TTC28: variants seen among roughly 807,000 people sequenced by gnomAD.
TTC28 encodes tetratricopeptide repeat protein 28.
In TTC28, 61 loss-of-function variants were observed where a neutral mutation model predicts 198.0. The observed-to-expected ratio is 0.31, with a 90% CI of 0.25 to 0.38. TTC28 has a LOEUF of 0.38. TTC28 is among the 10% of genes least tolerant of loss of function. The pLI, the probability that TTC28 is intolerant of heterozygous loss-of-function variation, is 1.00. For synonymous variants in TTC28, 1,171 were observed against 1,297.8 expected (o/e 0.90, Z 2.10); for missense variants, 2,678 against 3,164.0 (o/e 0.85, Z 3.69).
At chr22:28,254,154 T>C (rs1352745113) in intron 5 of TTC28, among the ~76,000 whole-genome samples, 2 of 149,950 alleles carry the variant, frequency 1.3e-5, no homozygotes, top group African/African-American at 2.5e-5. Flanking sequence ...AGGAAAGTAA[T>C]GAGTCCACAA....
chr22:28,249,747 G>A (rs1359373203), intron 5 of TTC28, among the ~76,000 whole-genome samples: 1 of 152,192 alleles, frequency 6.6e-6, no homozygotes, highest in Non-Finnish European at 1.5e-5. Flanking sequence ...GCCCTTAATG[G>A]CAAACATATT....
At chr22:28,185,019 T>C (rs1028037232) in intron 5 of TTC28, among the ~76,000 whole-genome samples, 6 of 152,130 alleles carry the variant, frequency 3.9e-5, no homozygotes, top group Non-Finnish European at 2.9e-5. Flanking sequence ...AGGAATCGAA[T>C]TGATAGTCAT....
At chr22:28,329,657 G>A (rs1026077807) in intron 2 of TTC28, among the ~76,000 whole-genome samples, 1 of 152,220 alleles carries the variant, frequency 6.6e-6, no homozygotes, top group South Asian at 2.1e-4. Context: ...CAGGGACTCA[G>A]GTTTCCCATT....
At chr22:28,553,599 C>A (rs1466445034) in intron 2 of TTC28, among the ~76,000 whole-genome samples, 1 of 151,710 alleles carries the variant, frequency 6.6e-6, no homozygotes, top group African/African-American at 2.4e-5. Flanking sequence ...GCAGCCACCC[C>A]GTCTGGGAAG....
At chr22:28,327,297 T>C (rs2045548099) in intron 2 of TTC28, among the ~76,000 whole-genome samples, 1 of 152,182 alleles carries the variant, frequency 6.6e-6, no homozygotes, top group Admixed American at 6.5e-5. Context: ...TATTGTAAGG[T>C]ATCCTTTTTG....
chr22:28,151,974 T>C (rs1163388230), intron 6 of TTC28, among the ~76,000 whole-genome samples: 2 of 152,130 alleles, frequency 1.3e-5, no homozygotes, highest in Non-Finnish European at 1.5e-5. Context: ...AAGAACTAAC[T>C]GGTCAATAAA....
intron 1 of TTC28, among the ~76,000 whole-genome samples, chr22:28,678,142 A>T (rs2052031964): frequency 6.6e-6 from 1 of 152,184 alleles, no homozygotes; most frequent in Admixed American, 6.6e-5. Context: ...AGAAAGAAAC[A>T]TGCATATTTT....
chr22:28,120,222 G>A (rs1297742756), intron 6 of TTC28, among the ~76,000 whole-genome samples: 11 of 152,150 alleles, frequency 7.2e-5, no homozygotes, highest in African/African-American at 2.4e-5. Context: ...CTCCTAAGCC[G>A]TAGTCTCATA....
intron 2 of TTC28, among the ~76,000 whole-genome samples, chr22:28,358,955 G>T (rs1028210894): frequency 5.9e-5 from 9 of 152,074 alleles, no homozygotes; most frequent in Non-Finnish European, 5.9e-5. Context: ...TAAGTAATAT[G>T]GGGATGGGTT....
intron 3 of TTC28, among the ~76,000 whole-genome samples, chr22:28,304,978 ATTTAT>A (rs2045109024): frequency 6.7e-6 from 1 of 149,344 alleles, no homozygotes; most frequent in Non-Finnish European, 1.5e-5. Context: ...TTTATTATTT[ATTTAT>A]TTATTTATTT....
intron 5 of TTC28, among the ~76,000 whole-genome samples, chr22:28,268,842 T>C (rs1306327679): frequency 6.6e-6 from 1 of 152,204 alleles, no homozygotes; most frequent in Non-Finnish European, 1.5e-5. Context: ...AAATATTTCC[T>C]CTTCAAAGTT....
At chr22:28,344,290 A>T (rs1601662864) in intron 2 of TTC28, among the ~76,000 whole-genome samples, 1 of 152,018 alleles carries the variant, frequency 6.6e-6, no homozygotes, top group Admixed American at 6.6e-5. Flanking sequence ...AGCAAATTCA[A>T]CAAGACTTCT....
intron 2 of TTC28, among the ~76,000 whole-genome samples, chr22:28,466,851 A>ACACACC (rs2048028684): frequency 6.7e-6 from 1 of 148,886 alleles, no homozygotes; most frequent in South Asian, 2.1e-4. Flanking sequence ...ACACACACAC[A>ACACACC]CACACCCCTA....
At chr22:28,678,517 C>A (rs1376877892) in intron 1 of TTC28, among the ~76,000 whole-genome samples, 1 of 152,144 alleles carries the variant, frequency 6.6e-6, no homozygotes, top group East Asian at 1.9e-4. Flanking sequence ...AGCCACCGCA[C>A]CCGGCCTAGT....
chr22:28,570,184 T>C (rs1188243331), intron 2 of TTC28, among the ~76,000 whole-genome samples: 1 of 152,208 alleles, frequency 6.6e-6, no homozygotes, highest in African/African-American at 2.4e-5. Flanking sequence ...GAACTACTAT[T>C]CAACACAGCA....
chr22:28,014,375 G>T lies in TTC28; in HGVS notation c.4091C>A (p.Thr1364Lys). The T allele has an allele frequency of 6.4e-7, 1 of 1,550,700 alleles. No homozygotes were observed. The highest frequency in any genetic ancestry group is 1.4e-5 in the African/African-American group (1 of 73,116). ...TGACACAGTGTTACTGAACAGGCTC[G>T]TCATGCTCTGGCAGCTCCTGGGGAG... is the stretch of plus-strand genomic sequence containing the variant. The part of the protein sequence containing the change: ...NLFNRSCQSM[T>K]SLFSNTVSPT... The change falls in exon 14 of 23, where the codon ACG (threonine) becomes AAG (lysine). Residue 1364 changes from threonine to lysine, a missense_variant. Physicochemically the swap from Thr to Lys is moderately conservative, Grantham distance 78. Around this residue, in one of 8 missense-constraint regions of TTC28, gnomAD observed 727 missense variants for 861.9 expected, o/e 0.84. Transcript: ENST00000397906.
chr22:28,497,700 A>T (rs1017848190), intron 2 of TTC28, among the ~76,000 whole-genome samples: 2 of 152,148 alleles, frequency 1.3e-5, no homozygotes, highest in African/African-American at 4.8e-5. Context: ...TAGATACAAG[A>T]GGTATGAGTT....
chr22:28,324,776 C>G (rs1168459536), intron 2 of TTC28, among the ~76,000 whole-genome samples: 1 of 152,124 alleles, frequency 6.6e-6, no homozygotes, highest in Non-Finnish European at 1.5e-5. Context: ...AACCTACAGC[C>G]AATATCATAC....
At chr22:28,404,406 C>T (rs2046967678) in intron 2 of TTC28, among the ~76,000 whole-genome samples, 1 of 152,156 alleles carries the variant, frequency 6.6e-6, no homozygotes, top group Non-Finnish European at 1.5e-5. Flanking sequence ...CGTGAGACAC[C>T]GCGCCCGGCC....
Sources: gnomAD v4.1 joint callset for allele counts (sites outside exome capture counted in the v4.1 genomes callset) on GRCh38, gnomAD v4.1.1 for gene constraint, gnomAD v4.1.1 regional missense constraint, MANE v1.5 for transcripts, NCBI Gene and HGNC (gene_info 2026-07-23, HGNC 2026-07-21) for gene names.